Variants in USH2A observed in about 807,000 individuals in gnomAD.
USH2A encodes the protein Usher syndrome 2A (autosomal recessive, mild).
USH2A carries 443 observed loss-of-function variants against 538.9 expected under a neutral mutation model. The ratio of observed to expected loss-of-function variants is 0.82; its 90% CI spans 0.76 to 0.89. The LOEUF (loss-of-function observed/expected upper bound fraction) is 0.89. Among genes scored for constraint, USH2A ranks in the 40% least tolerant of loss-of-function variants. The probability of loss-of-function intolerance (pLI) is 0.00; values close to 1 mark genes in which losing one functional copy is unlikely to be tolerated. For missense variants in USH2A, 6,633 were observed against 6,324.8 expected (o/e 1.05, Z -1.65); for synonymous variants, 2,413 against 2,273.5 (o/e 1.06, Z -1.75).
intron 32 of USH2A, among the ~76,000 whole-genome samples, chr1:216,013,339 C>T (rs11120717): frequency 4.0e-5 from 6 of 150,902 alleles, no homozygotes; most frequent in Non-Finnish European, 7.4e-5. Context: ...TAATCCCGCT[C>T]GAAGCAGCCC....
chr1:215,885,084 A>C, intron 41 of USH2A, among the ~76,000 whole-genome samples: 1 of 151,908 alleles, frequency 6.6e-6, no homozygotes, highest in East Asian at 1.9e-4. Context: ...ATTTCTTATC[A>C]ATCCTCAATT....
chr1:216,267,599 G>A (rs958087737), intron 11 of USH2A, among the ~76,000 whole-genome samples: 1 of 152,050 alleles, frequency 6.6e-6, no homozygotes, highest in African/African-American at 2.4e-5. Flanking sequence ...CAGGCACCAC[G>A]ACATCTCTTT....
intron 14 of USH2A, among the ~76,000 whole-genome samples, chr1:216,229,287 G>A (rs968685400): frequency 2.6e-5 from 4 of 151,378 alleles, no homozygotes; most frequent in East Asian, 3.9e-4. Flanking sequence ...TTCTTTTTGC[G>A]AATCTGAAGT....
At position 216,416,042 on chromosome 1, in the gene USH2A, T is replaced by G. The variant is rs146242633; in HGVS notation, c.651+2472A>C. On this transcript the variant is annotated intron_variant, in intron 3 of 71. Coordinates refer to ENST00000307340, the MANE Select transcript of USH2A (RefSeq NM_206933.4). ...ATTAGCCAGTGTGGTTGTAGGCACC[T>G]GTAATCTCAGCTACTTGGGAGGCTG... Among the ~76,000 whole-genome samples, 4 of 152,130 alleles carry G rather than the reference T, an allele frequency of 2.6e-5. No individual in the cohort carries two copies. In the East Asian group the frequency reaches 7.8e-4, roughly 30 times the overall value.
At chr1:215,748,249 C>T (rs188983162) in intron 58 of USH2A, among the ~76,000 whole-genome samples, 265 of 152,138 alleles carry the variant, frequency 1.7e-3, no homozygotes, top group African/African-American at 6.2e-3. Flanking sequence ...TCACGGTGAA[C>T]CCACATATTT....
At chr1:216,414,040 T>A (rs1456547223) in intron 3 of USH2A, among the ~76,000 whole-genome samples, 2 of 152,152 alleles carry the variant, frequency 1.3e-5, no homozygotes, top group African/African-American at 2.4e-5. Context: ...AAAGTAAATT[T>A]TTTTACATAT....
intron 20 of USH2A, among the ~76,000 whole-genome samples, chr1:216,179,047 A>G (rs1205315074): frequency 6.6e-6 from 1 of 152,048 alleles, no homozygotes; most frequent in Non-Finnish European, 1.5e-5. Context: ...GCTGTTTGAA[A>G]GCAGCCTTTC....
chr1:216,294,330 A>C (rs530942028), intron 9 of USH2A, among the ~76,000 whole-genome samples: 1 of 152,180 alleles, frequency 6.6e-6, no homozygotes, highest in Admixed American at 6.5e-5. Context: ...AACATGAGAT[A>C]ATTTCTTTCA....
intron 49 of USH2A, among the ~76,000 whole-genome samples, chr1:215,811,240 G>T (rs1314192043): frequency 6.6e-6 from 1 of 152,176 alleles, no homozygotes; most frequent in African/African-American, 2.4e-5. Flanking sequence ...TGCTTGGGGG[G>T]CAGAGCACCT....
intron 11 of USH2A, among the ~76,000 whole-genome samples, chr1:216,277,265 T>C (rs1271288331): frequency 6.6e-6 from 1 of 152,108 alleles, no homozygotes; most frequent in Non-Finnish European, 1.5e-5. Flanking sequence ...GCAGTAATTG[T>C]TTTCTCATTT....
intron 21 of USH2A, among the ~76,000 whole-genome samples, chr1:216,133,492 T>C (rs2033419224): frequency 6.6e-6 from 1 of 152,048 alleles, no homozygotes; most frequent in Non-Finnish European, 1.5e-5. Flanking sequence ...GCACTAAGCA[T>C]TAAGTGTTCC....
At chr1:216,185,937 A>T (rs906592964) in intron 20 of USH2A, among the ~76,000 whole-genome samples, 3 of 151,880 alleles carry the variant, frequency 2.0e-5, no homozygotes, top group African/African-American at 7.2e-5. Context: ...CACTGATCTG[A>T]ACAACCCTAA....
At chr1:215,777,258 G>A (rs76316118) in intron 55 of USH2A, among the ~76,000 whole-genome samples, 6,733 of 152,204 alleles carry the variant, frequency 0.044, 291 homozygotes, top group African/African-American at 0.11. Flanking sequence ...GTCAATGAAA[G>A]GAAGAACTGG....
intron 47 of USH2A, among the ~76,000 whole-genome samples, chr1:215,832,805 T>C (rs1663362221): frequency 6.6e-6 from 1 of 151,914 alleles, no homozygotes; most frequent in Non-Finnish European, 1.5e-5. Context: ...TTTCTCTTTG[T>C]AGAAGATCTA....
chr1:216,048,639 T>C lies in USH2A; in HGVS notation c.6058A>G (p.Thr2020Ala). ...VNTSNLTGIL[T>A]GLLPFKNYAV... The stretch of plus-strand genomic sequence containing the variant: ...TAGTTTTTGAAGGGTAGCAAGCCTG[T>C]CAATATGCCTATAATAAAAAGGGAC... The change falls in exon 31 of 72, where the codon ACA (threonine) becomes GCA (alanine). Residue 2020 changes from threonine to alanine, a missense_variant. Thr to Ala is a moderately conservative substitution (Grantham distance 58). Transcript: ENST00000307340. 6.2e-7 allele frequency: 1 copy of C among 1,613,968 alleles called. No individual in the cohort carries two copies. The highest frequency in any genetic ancestry group is 8.5e-7 in the Non-Finnish European group (1 of 1,179,866).
intron 37 of USH2A, among the ~76,000 whole-genome samples, chr1:215,953,813 A>G (rs982585191): frequency 3.9e-5 from 6 of 151,924 alleles, no homozygotes; most frequent in African/African-American, 7.3e-5. Flanking sequence ...CAATCTACTC[A>G]TCTGACAAAG....
At chr1:215,654,349 GTGATGTTCCCCTCCCTGTGTC>G (rs1003266751) in intron 64 of USH2A, among the ~76,000 whole-genome samples, 2 of 152,046 alleles carry the variant, frequency 1.3e-5, no homozygotes, top group East Asian at 1.9e-4. Context: ...GCCCTGGTGT[GTGATGTTCCCCTCCCTGTGTC>G]TGATGTTCCC....
At chr1:216,319,701 G>T (rs60073844) in intron 9 of USH2A, among the ~76,000 whole-genome samples, 1,826 of 152,216 alleles carry the variant, frequency 0.012, 32 homozygotes, top group African/African-American at 0.042. Flanking sequence ...TGAGGAGTGG[G>T]ACTACGTTTT....
intron 32 of USH2A, among the ~76,000 whole-genome samples, chr1:216,001,005 C>T (rs996162711): frequency 1.3e-5 from 2 of 152,152 alleles, no homozygotes; most frequent in African/African-American, 4.8e-5. Flanking sequence ...AGATTCCATT[C>T]TTCTCCTGTC....
Sources: gnomAD v4.1 joint callset for allele counts (sites outside exome capture counted in the v4.1 genomes callset) on GRCh38, gnomAD v4.1.1 for gene constraint, MANE v1.5 for transcripts, NCBI Gene and HGNC (gene_info 2026-07-23, HGNC 2026-07-21) for gene names.